PTPRT: variants seen among roughly 807,000 people sequenced by gnomAD.
The protein encoded by PTPRT is receptor-type tyrosine-protein phosphatase T.
PTPRT carries 56 observed loss-of-function variants against 176.8 expected under a neutral mutation model. The ratio of observed to expected loss-of-function variants is 0.32; its 90% CI spans 0.26 to 0.40. The LOEUF is 0.40. Ranked by LOEUF, PTPRT falls within the 10% of genes least tolerant of loss-of-function variation. The pLI is 1.00. For missense variants in PTPRT, 1,540 were observed against 1,908.2 expected (o/e 0.81, Z 3.60); for synonymous variants, 783 against 739.0 (o/e 1.06, Z -0.96).
At chr20:43,188,562 T>G (rs1454814619) in intron 1 of PTPRT, among the ~76,000 whole-genome samples, 1 of 152,194 alleles carries the variant, frequency 6.6e-6, no homozygotes, top group Admixed American at 6.5e-5. Context: ...GCACAGCTGT[T>G]GCTTAGCGAT....
intron 1 of PTPRT, among the ~76,000 whole-genome samples, chr20:43,098,926 T>A (rs2012280106): frequency 6.6e-6 from 1 of 152,130 alleles, no homozygotes; most frequent in Non-Finnish European, 1.5e-5. Context: ...CTGACAGGTA[T>A]TTCTCTTGCC....
intron 7 of PTPRT, among the ~76,000 whole-genome samples, chr20:42,508,348 A>G (rs981514266): frequency 6.6e-6 from 1 of 152,114 alleles, no homozygotes; most frequent in Non-Finnish European, 1.5e-5. Context: ...GTTGGGAGAG[A>G]GCCCTGGCTT....
At chr20:42,981,480 A>G (rs1412219458) in intron 1 of PTPRT, among the ~76,000 whole-genome samples, 1 of 152,232 alleles carries the variant, frequency 6.6e-6, no homozygotes. Flanking sequence ...AACATGCTGC[A>G]AGCAGAGGCT....
Position 43,147,721 on chromosome 20 carries a change from T to A in PTPRT, c.88+41925A>T, listed in dbSNP as rs912579655. Among the ~76,000 whole-genome samples the A allele has an allele frequency of 2.2e-4, 33 of 152,164 alleles. 1 individual carries two copies. The highest frequency in any genetic ancestry group is 2.9e-5 in the Non-Finnish European group (2 of 68,020). On this transcript the variant is annotated intron_variant, in intron 1 of 30. Transcript: ENST00000373187. The stretch of plus-strand genomic sequence containing the variant: ...GTTTCTCTGTCTATTCCCAAGAGCA[T>A]CCCTTCTTCATCATGGGCCAACAGA...
At chr20:42,215,729 G>C (rs747482726) in intron 15 of PTPRT, among the ~76,000 whole-genome samples, 1 of 152,192 alleles carries the variant, frequency 6.6e-6, no homozygotes, top group Non-Finnish European at 1.5e-5. Context: ...TCTCTGGCTG[G>C]AAAGGCCCTC....
At chr20:42,251,362 C>A (rs977734015) in intron 13 of PTPRT, among the ~76,000 whole-genome samples, 2 of 152,058 alleles carry the variant, frequency 1.3e-5, no homozygotes, top group African/African-American at 4.8e-5. Context: ...ATCATAAATA[C>A]CCTCTATGTG....
intron 7 of PTPRT, among the ~76,000 whole-genome samples, chr20:42,651,095 G>T (rs907911545): frequency 2.6e-5 from 4 of 152,010 alleles, no homozygotes; most frequent in African/African-American, 4.8e-5. Context: ...TATCTGAATG[G>T]TGTCAGATTA....
intron 1 of PTPRT, among the ~76,000 whole-genome samples, chr20:42,965,884 G>A (rs1011567389): frequency 6.6e-6 from 1 of 152,188 alleles, no homozygotes. Context: ...AACATTCAAG[G>A]AATAGCTAGG....
the PTPRT span, among the ~76,000 whole-genome samples, chr20:42,058,351 C>A: frequency 1.3e-5 from 2 of 152,188 alleles, no homozygotes; most frequent in Non-Finnish European, 2.9e-5. Context: ...GGCTTAATAG[C>A]ACCTTATCTT....
At chr20:42,217,303 G>A (rs1214005209) in intron 15 of PTPRT, among the ~76,000 whole-genome samples, 1 of 150,048 alleles carries the variant, frequency 6.7e-6, no homozygotes, top group Non-Finnish European at 1.5e-5. Context: ...AACCTGAGAG[G>A]CGGGGAGGTT....
At chr20:42,405,360 A>G (rs557430800) in intron 9 of PTPRT, among the ~76,000 whole-genome samples, 1 of 151,888 alleles carries the variant, frequency 6.6e-6, no homozygotes, top group Non-Finnish European at 1.5e-5. Context: ...ACCCCACAAC[A>G]GGCCCCGGTG....
chr20:42,219,521 T>C (rs1266954953), intron 15 of PTPRT, among the ~76,000 whole-genome samples: 1 of 152,190 alleles, frequency 6.6e-6, no homozygotes, highest in Middle Eastern at 3.2e-3. Flanking sequence ...TAGATAAGCA[T>C]TGTTAGAGAG....
intron 9 of PTPRT, among the ~76,000 whole-genome samples, chr20:42,369,129 A>AATCC (rs1337771890): frequency 2.0e-5 from 3 of 150,242 alleles, no homozygotes; most frequent in Non-Finnish European, 4.4e-5. Context: ...TCCGTCCATC[A>AATCC]ATCCATCCAT....
intron 2 of PTPRT, among the ~76,000 whole-genome samples, chr20:42,832,357 T>C (rs1374648271): frequency 6.6e-6 from 1 of 152,070 alleles, no homozygotes. Context: ...TGTGGCTTAC[T>C]TGAGGGTGGA....
chr20:42,745,932 G>A (rs1232334198), intron 6 of PTPRT, among the ~76,000 whole-genome samples: 1 of 152,126 alleles, frequency 6.6e-6, no homozygotes, highest in Non-Finnish European at 1.5e-5. Context: ...TGAAGTGTCT[G>A]GCATGCAATA....
intron 1 of PTPRT, among the ~76,000 whole-genome samples, chr20:43,013,993 C>T (rs1415761878): frequency 6.6e-6 from 1 of 152,182 alleles, no homozygotes; most frequent in Non-Finnish European, 1.5e-5. Context: ...CACTTATTGT[C>T]TTAACACACA....
chr20:42,090,011 T>C (rs1268979119), intron 27 of PTPRT, among the ~76,000 whole-genome samples: 4 of 152,172 alleles, frequency 2.6e-5, no homozygotes, highest in African/African-American at 9.7e-5. Context: ...CGAAAATGCA[T>C]TGGGGTTTCT....
chr20:42,337,615 G>A (rs747336109), intron 11 of PTPRT, among the ~76,000 whole-genome samples: 41 of 152,158 alleles, frequency 2.7e-4, no homozygotes, highest in Non-Finnish European at 5.0e-4. Flanking sequence ...GTACACACAT[G>A]AGCATCTCCT....
chr20:42,354,125 G>A (rs1185457770), intron 9 of PTPRT, among the ~76,000 whole-genome samples: 1 of 150,746 alleles, frequency 6.6e-6, no homozygotes, highest in African/African-American at 2.5e-5. Flanking sequence ...ATGAATTTTT[G>A]AAAACTGGAT....
Sources: gnomAD v4.1 joint callset for allele counts (sites outside exome capture counted in the v4.1 genomes callset) on GRCh38, gnomAD v4.1.1 for gene constraint, MANE v1.5 for transcripts, NCBI Gene and HGNC (gene_info 2026-07-23, HGNC 2026-07-21) for gene names.